The following CNTN6 variants were observed in gnomAD, a reference collection of about 807,000 sequenced individuals.
CNTN6 encodes the protein contactin-6.
A neutral mutation model predicts 122.8 loss-of-function variants in CNTN6; 137 were observed. That is an observed-to-expected ratio of 1.12 (90% CI 0.97 to 1.29). The LOEUF is 1.29. CNTN6 is among the 50% of genes most tolerant of loss of function. The pLI is 0.00. For missense variants in CNTN6, 1,634 were observed against 1,223.4 expected (o/e 1.34, Z -5.01); for synonymous variants, 570 against 426.0 (o/e 1.34, Z -4.16).
chr3:1,269,674 A>T (rs2094989835), intron 4 of CNTN6, among the ~76,000 whole-genome samples: 1 of 152,188 alleles, frequency 6.6e-6, no homozygotes, highest in African/African-American at 2.4e-5. Flanking sequence ...TACCTAATTG[A>T]TATTTCATAT....
chr3:1,270,822 AG>A (rs767259394), intron 4 of CNTN6, among the ~76,000 whole-genome samples: 40 of 152,362 alleles, frequency 2.6e-4, no homozygotes, highest in South Asian at 6.2e-4. Flanking sequence ...CTTTCTAGAT[AG>A]AGAGGCAGTA....
chr3:1,278,232 G>A (rs931592638), intron 4 of CNTN6, among the ~76,000 whole-genome samples, 181 bp from the exon 5 acceptor site: 29 of 152,148 alleles, frequency 1.9e-4, no homozygotes, highest in Non-Finnish European at 1.5e-5. Flanking sequence ...AAGAAAGAAA[G>A]AAACACAAGA....
At chr3:1,277,429 G>A (rs1224760751) in intron 4 of CNTN6, among the ~76,000 whole-genome samples, 3 of 126,730 alleles carry the variant, frequency 2.4e-5, no homozygotes, top group South Asian at 2.5e-4. Context: ...GCGCAATCTC[G>A]GCTCATTGCA....
At chr3:1,204,708 A>C (rs1486161964) in intron 2 of CNTN6, among the ~76,000 whole-genome samples, 1 of 152,166 alleles carries the variant, frequency 6.6e-6, no homozygotes, top group Admixed American at 6.5e-5. Context: ...AGAAGAAACA[A>C]GGACTTTCTG....
At position 1,239,702 on chromosome 3, in the gene CNTN6, G is replaced by A. The variant is rs546136539; in HGVS notation, c.358+11709G>A. On this transcript the variant is annotated intron_variant, in intron 4 of 22. Transcript: ENST00000446702. ...AAAATTTACATGGAACCAAAAAAGA[G>A]CCCACACAGCCAAAGCAAGACTAAG... 5.3e-5 allele frequency among the ~76,000 whole-genome samples: 8 copies of A among 152,198 alleles called. No homozygotes were observed. In the East Asian group the frequency reaches 1.5e-3, roughly 29 times the overall value.
At chr3:1,217,159 T>C (rs1266535083) in intron 2 of CNTN6, among the ~76,000 whole-genome samples, 1 of 152,232 alleles carries the variant, frequency 6.6e-6, no homozygotes, top group Non-Finnish European at 1.5e-5. Flanking sequence ...GCCCATTTGA[T>C]TCCAGAGCAC....
intron 12 of CNTN6, among the ~76,000 whole-genome samples, chr3:1,371,799 C>T (rs1709052740): frequency 6.6e-6 from 1 of 152,056 alleles, no homozygotes; most frequent in Admixed American, 6.6e-5. Context: ...AAAATTAGAG[C>T]TACGTCAAAG....
chr3:1,273,536 A>G (rs2125767050), intron 4 of CNTN6, among the ~76,000 whole-genome samples: 1 of 152,368 alleles, frequency 6.6e-6, no homozygotes, highest in East Asian at 1.9e-4. Flanking sequence ...TTTGAAATAC[A>G]GATTGGATCT....
intron 2 of CNTN6, among the ~76,000 whole-genome samples, chr3:1,190,227 A>G (rs2093682330): frequency 6.6e-6 from 1 of 152,100 alleles, no homozygotes; most frequent in Admixed American, 6.6e-5. Context: ...TAAGCGCACT[A>G]TCCCATTCAT....
intron 2 of CNTN6, among the ~76,000 whole-genome samples, chr3:1,150,166 GT>G (rs1475788901): frequency 6.6e-6 from 1 of 152,108 alleles, no homozygotes; most frequent in African/African-American, 2.4e-5. Context: ...AAATCTGTTT[GT>G]TTTGTTAGAC....
chr3:1,180,260 A>G (rs2093530260), intron 2 of CNTN6, among the ~76,000 whole-genome samples: 1 of 152,218 alleles, frequency 6.6e-6, no homozygotes, highest in South Asian at 2.1e-4. Flanking sequence ...AAAGAGCACA[A>G]ATGTGGCAAC....
At chr3:1,119,556 G>A (rs1574916299) in intron 1 of CNTN6, among the ~76,000 whole-genome samples, 1 of 152,000 alleles carries the variant, frequency 6.6e-6, no homozygotes, top group Middle Eastern at 3.4e-3. Flanking sequence ...TGTTAGGCTA[G>A]TAACAAAAGA....
intron 12 of CNTN6, among the ~76,000 whole-genome samples, chr3:1,353,975 A>G (rs1706111055): frequency 6.6e-6 from 1 of 151,524 alleles, no homozygotes; most frequent in East Asian, 1.9e-4. Context: ...TTAAAATACA[A>G]TGATGGGGAT....
chr3:1,126,028 G>A (rs534199217), intron 1 of CNTN6, among the ~76,000 whole-genome samples: 30 of 151,754 alleles, frequency 2.0e-4, no homozygotes, highest in Non-Finnish European at 3.8e-4. Context: ...CCCAAAACAC[G>A]CTAGAATCGT....
At position 1,220,677 on chromosome 3, in the gene CNTN6, C is replaced by A. The variant is rs2094195084; in HGVS notation, c.56-10C>A. ...TTTTTTTCATGTGATTTATTCTTTT[C>A]TTTTCCCAGGTGATGGTCTTTTAAG... On this transcript the variant is annotated splice_polypyrimidine_tract_variant and intron_variant, in intron 2 of 22. Transcript: ENST00000446702. 2 of 1,594,098 alleles carry A rather than the reference C, an allele frequency of 1.3e-6. No homozygotes were observed. Among genetic ancestry groups the A allele is most frequent in the African/African-American group, 1.4e-5 (1 of 73,616 alleles).
intron 17 of CNTN6, among the ~76,000 whole-genome samples, chr3:1,382,136 G>C (rs995335514): frequency 6.6e-6 from 1 of 151,568 alleles, no homozygotes. Context: ...TTTTCCTTGG[G>C]AAAAACCAAA....
Position 1,384,766 on chromosome 3 carries a change from T to TACAC in CNTN6, c.2518-844_2518-843insCACA, listed in dbSNP as rs373282548. On this transcript the variant is annotated intron_variant, in intron 19 of 22. Coordinates refer to ENST00000446702, the MANE Select transcript of CNTN6 (RefSeq NM_001289080.2). ...ATATATACACATATATATACATATA[T>TACAC]ATACACATATATATATATATATATA... 6.8e-3 allele frequency among the ~76,000 whole-genome samples: 836 copies of TACAC among 122,136 alleles called. 9 individuals are homozygous for TACAC. Among genetic ancestry groups the TACAC allele is most frequent in the African/African-American group, 0.02 (629 of 31,636 alleles). The allele number at this position is 122,136 out of a possible 152,430, so 80.1% of individuals were successfully genotyped here. A position where few individuals can be genotyped will look rare whatever the true frequency, so the allele number is the denominator to read the frequency against.
At chr3:1,182,660 A>T (rs2093572999) in intron 2 of CNTN6, among the ~76,000 whole-genome samples, 1 of 151,852 alleles carries the variant, frequency 6.6e-6, no homozygotes, top group Non-Finnish European at 1.5e-5. Flanking sequence ...GTACGCCTAT[A>T]GTTATACCAT....
At chr3:1,161,769 TACACAC>T (rs558137459) in intron 2 of CNTN6, among the ~76,000 whole-genome samples, 2,036 of 143,096 alleles carry the variant, frequency 0.014, 53 homozygotes, top group African/African-American at 0.048. Context: ...TATATATGTA[TACACAC>T]ACACACACAC....
Sources: gnomAD v4.1 joint callset for allele counts (sites outside exome capture counted in the v4.1 genomes callset) on GRCh38, gnomAD v4.1.1 for gene constraint, MANE v1.5 for transcripts, NCBI Gene and HGNC (gene_info 2026-07-23, HGNC 2026-07-21) for gene names.